ACSL3: variants seen among roughly 807,000 people sequenced by gnomAD.
ACSL3 encodes the protein fatty acid CoA ligase Acsl3.
ACSL3 carries 34 observed loss-of-function variants against 84.7 expected under a neutral mutation model. The ratio of observed to expected loss-of-function variants is 0.40; its 90% CI spans 0.31 to 0.53. The LOEUF (loss-of-function observed/expected upper bound fraction) is 0.53. Ranked by LOEUF, ACSL3 falls within the 20% of genes least tolerant of loss-of-function variation. The pLI is 0.48. For missense variants in ACSL3, 680 were observed against 873.1 expected (o/e 0.78, Z 2.79); for synonymous variants, 315 against 299.4 (o/e 1.05, Z -0.54).
chr2:222,943,094 A>AAC lies in ACSL3; in HGVS notation c.*1441_*1442insCA. ...ATCAAAAGGCAAAAATCAAAAAAAA[A>AAC]AAAAACAAAAACAAAAAAAAAGATG... On this transcript the variant is annotated 3_prime_UTR_variant, in exon 17 of 17. Transcript: ENST00000357430. 4 of 97,676 alleles carry AAC rather than the reference A, an allele frequency of 4.1e-5. No homozygotes were observed. Among genetic ancestry groups the AAC allele is most frequent in the Non-Finnish European group, 3.4e-5 (2 of 59,398 alleles). The allele number at this position is 97,676 out of a possible 1,614,324, so 6.1% of individuals were successfully genotyped here.
At position 222,941,494 on chromosome 2, in the gene ACSL3, T is replaced by C. The variant is rs1198833386; in HGVS notation, c.2006-3T>C. On this transcript the variant is annotated splice_region_variant and splice_polypyrimidine_tract_variant and intron_variant, in intron 16 of 16. Coordinates refer to ENST00000357430, the MANE Select transcript of ACSL3 (RefSeq NM_004457.5). ...TTCTTTTCTTTTTTTTTAATCATCTTAGCAAGTCTGGAAAAGTTTGAAATT... is the reference window on the plus strand; with the variant it reads ...TTCTTTTCTTTTTTTTTAATCATCTCAGCAAGTCTGGAAAAGTTTGAAATT... The C allele has an allele frequency of 6.3e-7, 1 of 1,599,300 alleles. No homozygotes were observed. The highest frequency in any genetic ancestry group is 8.5e-7 in the Non-Finnish European group (1 of 1,174,386).
intron 16 of ACSL3, among the ~76,000 whole-genome samples, chr2:222,940,683 G>A (rs185047824): frequency 2.8e-4 from 43 of 152,204 alleles, no homozygotes; most frequent in Admixed American, 1.6e-3. Flanking sequence ...GTACAATAAC[G>A]TGCTGTGCGG....
chr2:222,938,974 T>G (rs1232955215), intron 16 of ACSL3, among the ~76,000 whole-genome samples: 1 of 152,174 alleles, frequency 6.6e-6, no homozygotes. Context: ...TAAAAAAATT[T>G]CTTTCATTTA....
intron 4 of ACSL3, among the ~76,000 whole-genome samples, chr2:222,913,845 AT>A: frequency 6.6e-6 from 1 of 152,318 alleles, no homozygotes; most frequent in African/African-American, 2.4e-5. Context: ...CATGTGTAAA[AT>A]AGGGATAATA....
intron 4 of ACSL3, among the ~76,000 whole-genome samples, chr2:222,914,566 G>T (rs1332933206): frequency 6.6e-6 from 1 of 152,148 alleles, no homozygotes; most frequent in African/African-American, 2.4e-5. Flanking sequence ...CTGCCCAGAG[G>T]AGGCTATTTG....
chr2:222,896,600 T>C (rs62187259), intron 2 of ACSL3, among the ~76,000 whole-genome samples: 1 of 6,692 alleles, frequency 1.5e-4, no homozygotes, highest in South Asian at 0.028. Flanking sequence ...CCTCCCGGAC[T>C]GGGCGGCTGG....
intron 3 of ACSL3, among the ~76,000 whole-genome samples, chr2:222,904,002 C>T (rs1212997968): frequency 1.3e-5 from 2 of 151,988 alleles, no homozygotes; most frequent in African/African-American, 2.4e-5. Context: ...CGGCTGGGCG[C>T]GGTGGCTCAC....
intron 13 of ACSL3, among the ~76,000 whole-genome samples, chr2:222,929,516 T>A (rs1446370428): frequency 1.3e-5 from 2 of 152,180 alleles, no homozygotes; most frequent in Non-Finnish European, 2.9e-5. Flanking sequence ...GCGCAGTGGC[T>A]CACTCCTGTA....
intron 11 of ACSL3, 51 bp downstream of exon 11, chr2:222,924,646 T>A: frequency 1.3e-6 from 2 of 1,494,316 alleles, no homozygotes; most frequent in South Asian, 2.6e-5. Context: ...AATTTAATCA[T>A]TTAGTTCACA....
chr2:222,941,180 T>C (rs1359070038), intron 16 of ACSL3, among the ~76,000 whole-genome samples: 1 of 152,174 alleles, frequency 6.6e-6, no homozygotes, highest in Non-Finnish European at 1.5e-5. Context: ...TCCTCCTGCC[T>C]GAGCTTTCAG....
intron 4 of ACSL3, among the ~76,000 whole-genome samples, chr2:222,910,721 A>G (rs1471021534): frequency 6.6e-6 from 1 of 152,202 alleles, no homozygotes; most frequent in African/African-American, 2.4e-5. Context: ...GTAGTTGTGT[A>G]TCTTGTTTTA....
intron 2 of ACSL3, among the ~76,000 whole-genome samples, chr2:222,899,230 AAAAATTG>A (rs1696072800): frequency 6.6e-6 from 1 of 152,240 alleles, no homozygotes; most frequent in Non-Finnish European, 1.5e-5. Flanking sequence ...GCTGTGAAAG[AAAAATTG>A]ACAGATTTAG....
At chr2:222,912,167 C>G (rs1355498921) in intron 4 of ACSL3, among the ~76,000 whole-genome samples, 5 of 152,220 alleles carry the variant, frequency 3.3e-5, no homozygotes, top group African/African-American at 1.2e-4. Context: ...AGTAGTTTCT[C>G]TTGGCCATAC....
chr2:222,923,095 AG>A lies in ACSL3; in HGVS notation c.1100del (p.Gly367GlufsTer9). On this transcript the variant is annotated frameshift_variant, in exon 10 of 17. Transcript: ENST00000357430. LOFTEE classifies it high-confidence loss of function. ...TTTTGTAGTCTTCAAAAATTAAAAA[AG>A]GAAGCAAAGGGGATACATCCATGTT... ...LADQSSKIKK[G>X]SKGDTSMLKP... is the part of the protein sequence containing the mutation. The A allele has an allele frequency of 6.2e-7, 1 of 1,613,810 alleles. No homozygotes were observed. The highest frequency in any genetic ancestry group is 8.5e-7 in the Non-Finnish European group (1 of 1,179,764).
At position 222,943,492 on chromosome 2, in the gene ACSL3, GC is replaced by G. The variant is rs1293453673; in HGVS notation, c.*1839del. 1 of 168,152 alleles carries G rather than the reference GC, an allele frequency of 5.9e-6. No individual in the cohort carries two copies. The highest frequency in any genetic ancestry group is 2.4e-5 in the African/African-American group (1 of 41,940). 10.4% of individuals were successfully genotyped at this position (168,152 alleles called of 1,614,324 possible). On this transcript the variant is annotated 3_prime_UTR_variant, in exon 17 of 17. Transcript: ENST00000357430. ...TTGTATCTAGGAAAAAAGTGTGAAT[GC>G]TTCAAAGGAGAGATACTGATAATTG...
Position 222,930,626 on chromosome 2 carries a change from T to C in ACSL3, c.1546T>C (p.Tyr516His). 2 of 1,596,802 alleles carry C rather than the reference T, an allele frequency of 1.3e-6. No individual in the cohort carries two copies. Among genetic ancestry groups the C allele is most frequent in the Non-Finnish European group, 1.7e-6 (2 of 1,172,412 alleles). Reference sequence around the variant, plus strand: ...CTCAATTATTATTTTATTAGGTGGATACTTTAATACTGATAAGCCACACCC... The same window carrying C: ...CTCAATTATTATTTTATTAGGTGGACACTTTAATACTGATAAGCCACACCC... ...IKLKNWEEGGYFNTDKPHPRG... is the reference protein window; with the variant it reads ...IKLKNWEEGGHFNTDKPHPRG... The change falls in exon 14 of 17, where the codon TAC becomes CAC. Residue 516 changes from tyrosine (Y) to histidine (H), a missense_variant. This residue lies in a region of ACSL3 where 347 missense variants were observed against 525.7 expected (regional missense o/e 0.66). Transcript: ENST00000357430.
intron 12 of ACSL3, 61 bp downstream of exon 12, chr2:222,927,250 A>G (rs1310969816): frequency 6.4e-7 from 1 of 1,562,934 alleles, no homozygotes; most frequent in Non-Finnish European, 8.8e-7. Context: ...GGGGTATGGG[A>G]TATTTTCTGC....
chr2:222,936,012 C>A (rs534594244), intron 16 of ACSL3, among the ~76,000 whole-genome samples: 1 of 152,170 alleles, frequency 6.6e-6, no homozygotes, highest in Non-Finnish European at 1.5e-5. Flanking sequence ...TGGAATCATA[C>A]GGTATTTATT....
intron 1 of ACSL3, among the ~76,000 whole-genome samples, chr2:222,865,539 GT>G (rs979815792): frequency 1.2e-4 from 18 of 152,324 alleles, no homozygotes; most frequent in Admixed American, 1.2e-3. Context: ...GGAAAGAGGT[GT>G]ATGAACAAAT....
Sources: gnomAD v4.1 joint callset for allele counts (sites outside exome capture counted in the v4.1 genomes callset) on GRCh38, gnomAD v4.1.1 for gene constraint, gnomAD v4.1.1 regional missense constraint, MANE v1.5 for transcripts, NCBI Gene and HGNC (gene_info 2026-07-23, HGNC 2026-07-21) for gene names.